Variants in EML6 observed in about 807,000 individuals in gnomAD.
EML6 encodes the protein EMAP like 6.
Under a neutral mutation model 240.1 loss-of-function variants are expected in EML6, and 154 were observed. The ratio of observed to expected loss-of-function variants is 0.64; its 90% confidence interval spans 0.56 to 0.73. The LOEUF (loss-of-function observed/expected upper bound fraction) is 0.73. EML6 is among the 30% of genes least tolerant of loss of function. The pLI is 0.00. For synonymous variants in EML6, 1,148 were observed against 899.0 expected (o/e 1.28, Z -4.95); for missense variants, 2,964 against 2,474.6 (o/e 1.20, Z -4.20).
intron 2 of EML6, among the ~76,000 whole-genome samples, chr2:54,738,677 G>A (rs1470351765): frequency 6.6e-6 from 1 of 152,174 alleles, no homozygotes; most frequent in Non-Finnish European, 1.5e-5. Flanking sequence ...ATTCTTTTAT[G>A]TCTAGCTCCT....
At chr2:54,813,476 G>C (rs1667951166) in intron 3 of EML6, 85 bp downstream of exon 3, 2 of 1,168,570 alleles carry the variant, frequency 1.7e-6, no homozygotes, top group Non-Finnish European at 2.5e-6. Context: ...TAGATTCAAA[G>C]TCCATCAACC....
At chr2:54,808,053 T>C (rs1270854550) in intron 2 of EML6, among the ~76,000 whole-genome samples, 1 of 152,242 alleles carries the variant, frequency 6.6e-6, no homozygotes, top group African/African-American at 2.4e-5. Flanking sequence ...TGCTTAACTA[T>C]GGATTATACG....
chr2:54,956,753 C>A (rs773521186), intron 32 of EML6, among the ~76,000 whole-genome samples: 1 of 151,468 alleles, frequency 6.6e-6, no homozygotes, highest in Non-Finnish European at 1.5e-5. Flanking sequence ...AAAACAAATG[C>A]GAAGTGATGA....
chr2:54,919,529 C>G (rs1371264397), intron 26 of EML6, among the ~76,000 whole-genome samples: 2 of 152,164 alleles, frequency 1.3e-5, no homozygotes, highest in Non-Finnish European at 1.5e-5. Flanking sequence ...ATTGCCCATC[C>G]CAAAGCCGCC....
At position 54,859,699 on chromosome 2, in the gene EML6, A is replaced by G. The variant is rs908415669; in HGVS notation, c.1823A>G (p.Gln608Arg). The change falls in exon 12 of 42, where the codon CAA becomes CGA. Residue 608 changes from glutamine to arginine, a missense_variant and splice_region_variant. Transcript: ENST00000356458. ...VSNGMLETAPQEGGADSYSEE... is the reference protein window; with the variant it reads ...VSNGMLETAPREGGADSYSEE... ...AACGGCATGCTGGAAACTGCACCCC[A>G]AGGTAAACCCAGCAATAATTTCTTA... The G allele has an allele frequency of 6.5e-7, 1 of 1,532,790 alleles. No homozygotes were observed. Among genetic ancestry groups the G allele is most frequent in the African/African-American group, 1.4e-5 (1 of 71,780 alleles). 94.9% of individuals were successfully genotyped at this position (1,532,790 alleles called of 1,614,324 possible).
chr2:54,848,448 TTCTC>T (rs944777624), intron 9 of EML6, among the ~76,000 whole-genome samples: 22 of 151,672 alleles, frequency 1.5e-4, no homozygotes, highest in Non-Finnish European at 3.1e-4. Flanking sequence ...AACATTTTCT[TTCTC>T]TGCTTAGTGA....
intron 16 of EML6, among the ~76,000 whole-genome samples, chr2:54,874,694 T>C (rs186381338): frequency 1.3e-5 from 2 of 152,340 alleles, no homozygotes; most frequent in Non-Finnish European, 2.9e-5. Context: ...TACAGATGAA[T>C]TGTAGTCATT....
At chr2:54,843,994 GT>G in intron 7 of EML6, 52 bp from the exon 8 acceptor site, 1 of 1,105,974 alleles carries the variant, frequency 9.0e-7, no homozygotes, top group African/African-American at 1.5e-5. Flanking sequence ...GTGTGTGTGT[GT>G]GTGTGTGTGA....
intron 17 of EML6, among the ~76,000 whole-genome samples, chr2:54,889,787 A>G (rs1672367759): frequency 6.6e-6 from 1 of 152,152 alleles, no homozygotes. Flanking sequence ...GCATTAGTTT[A>G]TATGTTCAAT....
In EML6 at chr2:54,838,533, A is replaced by G. The variant is rs148570413; in HGVS notation, c.848-5514A>G. Among the ~76,000 whole-genome samples the G allele has an allele frequency of 3.6e-3, 548 of 152,310 alleles. 1 individual carries two copies. Among genetic ancestry groups the G allele is most frequent in the Non-Finnish European group, 6.5e-3 (445 of 68,018 alleles). On this transcript the variant is annotated intron_variant, in intron 7 of 41. Coordinates refer to ENST00000356458, the MANE Select transcript of EML6 (RefSeq NM_001039753.4). ...ATAAACTAGTGGTAGAAAATAAGCA[A>G]TGTCCCTTAGTAATGAGGTCTGATT...
chr2:54,841,104 G>A (rs911177173), intron 7 of EML6, among the ~76,000 whole-genome samples: 3 of 152,240 alleles, frequency 2.0e-5, no homozygotes, highest in East Asian at 1.9e-4. Context: ...CAAGGAGGGG[G>A]GGCTGTGGCA....
rs1370123583 is a variant in EML6 at position 54,962,501 on chromosome 2, A to G, written c.4969-22A>G. 2.6e-6 allele frequency: 4 copies of G among 1,516,990 alleles called. No homozygotes were observed. In the Admixed American group the frequency reaches 6.2e-5, roughly 24 times the overall value. The allele number at this position is 1,516,990 out of a possible 1,614,324, so 94.0% of individuals were successfully genotyped here. A position where few individuals can be genotyped will look rare whatever the true frequency, so the allele number is the denominator to read the frequency against. On this transcript the variant is annotated intron_variant, in intron 35 of 41. Transcript: ENST00000356458. ...GTCATACAGTATTTGTCCTTTTTCT[A>G]ATAGTGTTTCAATTACAACAGGGAA...
At chr2:54,963,684 G>T (rs897712489) in intron 36 of EML6, among the ~76,000 whole-genome samples, 1 of 152,228 alleles carries the variant, frequency 6.6e-6, no homozygotes, top group African/African-American at 2.4e-5. Flanking sequence ...GTGCTACAGT[G>T]GCAAAGGTGA....
chr2:54,850,200 T>C lies in EML6; in HGVS notation c.1426T>C (p.Leu476=). 1.3e-6 allele frequency: 2 copies of C among 1,551,670 alleles called. No homozygotes were observed. The highest frequency in any genetic ancestry group is 1.7e-6 in the Non-Finnish European group (2 of 1,146,954). ...LQTNDGAGER[L]FYRMPSGKPL... ...AACTAATGACGGTGCAGGAGAACGA[T>C]TGTTCTACAGAATGCCATGTAAGTC... is the stretch of plus-strand genomic sequence containing the variant. Residue 476 remains leucine (L), a synonymous_variant, in exon 10 of 42, where the codon TTG becomes CTG. Transcript: ENST00000356458.
intron 25 of EML6, among the ~76,000 whole-genome samples, chr2:54,916,071 G>A (rs181888347): frequency 2.0e-5 from 3 of 152,296 alleles, no homozygotes; most frequent in Non-Finnish European, 4.4e-5. Flanking sequence ...AAGATTCATG[G>A]CAATAGAATA....
intron 17 of EML6, chr2:54,879,898 G>A: frequency 2.3e-6 from 1 of 430,396 alleles, no homozygotes; most frequent in South Asian, 3.8e-5. Flanking sequence ...TGAGTGGTCT[G>A]TGTAATCTGT....
chr2:54,950,914 A>T, intron 30 of EML6, 135 bp downstream of exon 30: 1 of 967,076 alleles, frequency 1.0e-6, no homozygotes. Context: ...GCATGGTCTC[A>T]GTTAGGCCTG....
chr2:54,903,232 A>C, intron 23 of EML6, 36 bp downstream of exon 23: 3 of 1,543,624 alleles, frequency 1.9e-6, no homozygotes, highest in Non-Finnish European at 1.8e-6. Flanking sequence ...AAAATAGCAC[A>C]GTCTTGGGAC....
intron 9 of EML6, among the ~76,000 whole-genome samples, chr2:54,849,538 G>T (rs1005353505): frequency 3.9e-5 from 6 of 152,198 alleles, no homozygotes; most frequent in African/African-American, 1.4e-4. Context: ...GCCCAAGCTG[G>T]AGTGCAGTGG....
Sources: allele counts gnomAD v4.1 joint callset (sites outside exome capture counted in the v4.1 genomes callset), GRCh38; gene constraint gnomAD v4.1.1; transcripts MANE v1.5; gene names NCBI Gene and HGNC (gene_info 2026-07-23, HGNC 2026-07-21).